The following SHANK1 variants were observed in gnomAD, a reference collection of about 807,000 sequenced individuals.
The protein encoded by SHANK1 is SH3 and multiple ankyrin repeat domains protein 1.
Under a neutral mutation model 165.6 loss-of-function variants are expected in SHANK1, and 35 were observed. The ratio of observed to expected loss-of-function variants is 0.21; its 90% CI spans 0.16 to 0.28. The LOEUF is 0.28. Among genes scored for constraint, SHANK1 ranks in the 10% least tolerant of loss-of-function variants. The pLI is 1.00. For missense variants in SHANK1, 2,681 were observed against 3,036.4 expected (o/e 0.88, Z 2.75); for synonymous variants, 1,428 against 1,384.8 (o/e 1.03, Z -0.69).
intron 6 of SHANK1, among the ~76,000 whole-genome samples, 173 bp from the exon 7 acceptor site, chr19:50,712,287 C>A (rs1479261083): frequency 6.6e-6 from 1 of 152,238 alleles, no homozygotes; most frequent in African/African-American, 2.4e-5. Flanking sequence ...CCTTTCCCTC[C>A]CTGGGCCACT....
At chr19:50,671,056 T>C (rs963210793) in intron 22 of SHANK1, among the ~76,000 whole-genome samples, 3 of 151,854 alleles carry the variant, frequency 2.0e-5, no homozygotes, top group Admixed American at 2.0e-4. Context: ...CCTCCCAAAG[T>C]GCTGGGATTA....
Position 50,672,081 on chromosome 19 carries a change from T to G in SHANK1, c.2611A>C (p.Ser871Arg). The G allele has an allele frequency of 6.2e-7, 1 of 1,613,948 alleles. No individual in the cohort carries two copies. The highest frequency in any genetic ancestry group is 1.7e-5 in the Admixed American group (1 of 59,992). Residue 871 changes from serine (S) to arginine (R), a missense_variant, in exon 22 of 24, where the codon AGT (serine) becomes CGT (arginine). Ser to Arg is a moderately radical substitution (Grantham distance 110). Coordinates refer to ENST00000293441, the MANE Select transcript of SHANK1 (RefSeq NM_016148.5). ...GGCAGGAAAGAAGGACGCTCGTAAC[T>G]TGGCTGGGCACGGTGGTGGGGATCG... is the stretch of plus-strand genomic sequence containing the variant. The part of the protein sequence containing the change: ...SFDPHHRAQP[S>R]YERPSFLPPG...
At chr19:50,677,126 A>AC (rs200057274) in intron 21 of SHANK1, among the ~76,000 whole-genome samples, 10 of 129,032 alleles carry the variant, frequency 7.8e-5, no homozygotes, top group African/African-American at 2.3e-4. Flanking sequence ...CCTATCTCAT[A>AC]CTTTTTTTTT....
chr19:50,708,287 A>T (rs2088969234), intron 8 of SHANK1, among the ~76,000 whole-genome samples: 1 of 152,138 alleles, frequency 6.6e-6, no homozygotes, highest in Non-Finnish European at 1.5e-5. Context: ...CTGGGGGCAC[A>T]GGGCCAGAGC....
chr19:50,694,292 A>G (rs1250607252), intron 15 of SHANK1, among the ~76,000 whole-genome samples: 1 of 151,704 alleles, frequency 6.6e-6, no homozygotes, highest in Non-Finnish European at 1.5e-5. Context: ...CGCAGCGGAA[A>G]AAGAGGAGGG....
chr19:50,712,096 C>T lies in SHANK1; in HGVS notation c.811G>A (p.Gly271Ser). ...CGACGGTCCTTGTAGTTGGGGGAAC[C>T]CCCAAGGTCCAGGAGCGCCTAGGAA... ...LALTALLDLGGSPNYKDRRGL... is the reference protein window; with the variant it reads ...LALTALLDLGSSPNYKDRRGL... Residue 271 changes from glycine (G) to serine (S), a missense_variant, in exon 7 of 24, where the codon GGT becomes AGT. Gly to Ser is a moderately conservative substitution (Grantham distance 56). This residue lies in a region of SHANK1 where 189 missense variants were observed against 440.9 expected (regional missense o/e 0.43). Coordinates refer to ENST00000293441, the MANE Select transcript of SHANK1 (RefSeq NM_016148.5). 6.2e-7 allele frequency: 1 copy of T among 1,603,152 alleles called. No individual in the cohort carries two copies. The highest frequency in any genetic ancestry group is 8.5e-7 in the Non-Finnish European group (1 of 1,175,104).
intron 21 of SHANK1, among the ~76,000 whole-genome samples, chr19:50,680,669 T>C (rs534740389): frequency 2.7e-5 from 4 of 148,628 alleles, no homozygotes; most frequent in Admixed American, 1.3e-4. Flanking sequence ...TTTTTTTTTT[T>C]CCCCGAGACA....
chr19:50,668,263 C>T lies in SHANK1; in HGVS notation c.3697G>A (p.Gly1233Arg), dbSNP rs1416408624. 2 of 1,411,574 alleles carry T rather than the reference C, an allele frequency of 1.4e-6. No individual in the cohort carries two copies. Among genetic ancestry groups the T allele is most frequent in the Non-Finnish European group, 1.8e-6 (2 of 1,097,626 alleles). 87.4% of individuals were successfully genotyped at this position (1,411,574 alleles called of 1,614,324 possible). A position where few individuals can be genotyped will look rare whatever the true frequency, so the allele number is the denominator to read the frequency against. Residue 1233 changes from glycine (G) to arginine (R), a missense_variant, in exon 23 of 24, where the codon GGG (glycine) becomes AGG (arginine). Coordinates refer to ENST00000293441, the MANE Select transcript of SHANK1 (RefSeq NM_016148.5). Reference protein sequence around the residue: ...PATLDFTSQFGAALVGAARRE... With the variant: ...PATLDFTSQFRAALVGAARRE... ...CGGGCCGCCCCCACCAGGGCGGCCC[C>T]GAACTGGCTCGTGAAGTCCAGCGTG... is the stretch of plus-strand genomic sequence containing the variant.
intron 21 of SHANK1, among the ~76,000 whole-genome samples, chr19:50,674,294 G>A (rs12462764): frequency 0.33 from 50,336 of 151,792 alleles, 10,274 homozygotes; most frequent in Admixed American, 0.49. Context: ...GCACTTCGGG[G>A]CCCTGACTCC....
chr19:50,719,318 G>C (rs939027040), intron 1 of SHANK1, 88 bp downstream of exon 1: 2 of 151,784 alleles, frequency 1.3e-5, no homozygotes, highest in African/African-American at 4.8e-5. Context: ...GCCCGGCGCC[G>C]GGCCAAGGAC....
intron 3 of SHANK1, 82 bp from the exon 4 acceptor site, chr19:50,715,812 G>A: frequency 1.5e-6 from 2 of 1,317,080 alleles, no homozygotes; most frequent in Non-Finnish European, 2.2e-6. Flanking sequence ...GTAGGGGAAG[G>A]TCTGATCCCC....
intron 21 of SHANK1, among the ~76,000 whole-genome samples, chr19:50,677,815 G>A (rs994456890): frequency 2.0e-5 from 3 of 152,140 alleles, no homozygotes; most frequent in African/African-American, 4.8e-5. Context: ...CTGCTTTGAC[G>A]GATTTCCTGC....
At position 50,662,795 on chromosome 19, in the gene SHANK1, T is replaced by A; in HGVS notation, c.5769-113A>T. 2.2e-6 allele frequency: 2 copies of A among 924,820 alleles called. No individual in the cohort carries two copies. The highest frequency in any genetic ancestry group is 3.2e-6 in the Non-Finnish European group (2 of 630,246). The allele number at this position is 924,820 out of a possible 1,614,324, so 57.3% of individuals were successfully genotyped here. On this transcript the variant is annotated intron_variant, in intron 23 of 23. Coordinates refer to ENST00000293441, the MANE Select transcript of SHANK1 (RefSeq NM_016148.5). This position sits in a 1 kb window ranked among gnomAD's most constrained non-coding sequence, Gnocchi z 7.7. ...GGAGAGAGGAGGAGAGACATAAGGGTAGGGGGAGAGACGGAGGAGAGACGG... is the reference window on the plus strand; with the variant it reads ...GGAGAGAGGAGGAGAGACATAAGGGAAGGGGGAGAGACGGAGGAGAGACGG...
At chr19:50,693,383 C>A (rs575538332) in intron 15 of SHANK1, among the ~76,000 whole-genome samples, 20 of 150,198 alleles carry the variant, frequency 1.3e-4, no homozygotes, top group Non-Finnish European at 2.2e-4. Context: ...CTCCCCCTTG[C>A]CCCCCATCTT....
Position 50,713,135 on chromosome 19 carries a change from C to T in SHANK1, c.792+663G>A, listed in dbSNP as rs895153675. Among the ~76,000 whole-genome samples the T allele has an allele frequency of 2.0e-5, 3 of 152,068 alleles. No homozygotes were observed. Among genetic ancestry groups the T allele is most frequent in the South Asian group, 2.1e-4 (1 of 4,830 alleles). On this transcript the variant is annotated intron_variant, in intron 6 of 23. Coordinates refer to ENST00000293441, the MANE Select transcript of SHANK1 (RefSeq NM_016148.5). This position sits in a 1 kb window ranked among gnomAD's most constrained non-coding sequence, Gnocchi z 6.2. ...CCGTTTAGCTGGAGCAGCTGTGCGT[C>T]GGGGTGCTTCTCAATGGCTGTCTTT...
rs2088884024 is a variant in SHANK1, at chr19:50,702,885, C to G, written c.1554-225G>C. On this transcript the variant is annotated intron_variant, in intron 11 of 23. Transcript: ENST00000293441. This position sits in a 1 kb window ranked among gnomAD's most constrained non-coding sequence, Gnocchi z 5.3. The stretch of plus-strand genomic sequence containing the variant: ...GCCTCCTGGCTTCCGGCTCTGCCCC[C>G]TCCCACGGTCCTGCGCGCACCGCCT... Among the ~76,000 whole-genome samples, 6 of 152,142 alleles carry G rather than the reference C, an allele frequency of 3.9e-5. No individual in the cohort carries two copies. The highest frequency in any genetic ancestry group is 3.9e-4 in the Admixed American group (6 of 15,286).
At chr19:50,715,036 G>C (rs2089053974) in intron 4 of SHANK1, among the ~76,000 whole-genome samples, 1 of 152,074 alleles carries the variant, frequency 6.6e-6, no homozygotes. Context: ...GGTGGGGAGA[G>C]GGTAGACAAG....
rs1986938077 is a variant in SHANK1, at chr19:50,702,172, A to G, written c.1747+295T>C. 6.6e-6 allele frequency among the ~76,000 whole-genome samples: 1 copy of G among 151,892 alleles called. No homozygotes were observed. Among genetic ancestry groups the G allele is most frequent in the Admixed American group, 6.6e-5 (1 of 15,250 alleles). The stretch of plus-strand genomic sequence containing the variant: ...AATGGGGCCCATGACCTCCCTCCCC[A>G]GAAAGGGCCATCAGGAGTCTAATGA... On this transcript the variant is annotated intron_variant, in intron 12 of 23. Coordinates refer to ENST00000293441, the MANE Select transcript of SHANK1 (RefSeq NM_016148.5). The surrounding 1 kb of genome is among the most constrained non-coding windows in gnomAD (Gnocchi z 5.3).
Position 50,716,389 on chromosome 19 carries a change from G to T in SHANK1, c.345C>A (p.Leu115=). The T allele has an allele frequency of 1.2e-6, 2 of 1,614,232 alleles. No homozygotes were observed. The highest frequency in any genetic ancestry group is 1.7e-6 in the Non-Finnish European group (2 of 1,180,030). The change falls in exon 3 of 24, where the codon CTC becomes CTA. Residue 115 remains leucine, a synonymous_variant. Coordinates refer to ENST00000293441, the MANE Select transcript of SHANK1 (RefSeq NM_016148.5). The surrounding 1 kb of genome is among the most constrained non-coding windows in gnomAD (Gnocchi z 8.4). ...CALSESLQDV[L]NYGLFQPATS... ...TGGCCGGTTGGAACAGGCCATAGTT[G>T]AGCACATCCTGCAGGCTCTCGCTCA...
Sources: allele counts gnomAD v4.1 joint callset (sites outside exome capture counted in the v4.1 genomes callset), GRCh38; gene constraint gnomAD v4.1.1; regional missense constraint gnomAD v4.1.1; non-coding constraint Gnocchi (gnomAD v3.1); transcripts MANE v1.5; gene names NCBI Gene and HGNC (gene_info 2026-07-23, HGNC 2026-07-21).